PTPN12: variants seen among roughly 807,000 people sequenced by gnomAD.
PTPN12 encodes the protein tyrosine-protein phosphatase non-receptor type 12.
Under a neutral mutation model 97.6 loss-of-function variants are expected in PTPN12, and 29 were observed. That is an observed-to-expected ratio of 0.30 (90% CI 0.22 to 0.41). PTPN12 has a LOEUF of 0.41. Among genes scored for constraint, PTPN12 ranks in the 10% least tolerant of loss-of-function variants. The pLI is 1.00. For synonymous variants in PTPN12, 327 were observed against 300.4 expected, an observed-to-expected ratio of 1.09 and a Z score of -0.91; for missense variants, 819 against 926.0, an observed-to-expected ratio of 0.88 and a Z score of 1.50.
chr7:77,626,593 A>G, intron 12 of PTPN12, 112 bp from the exon 13 acceptor site: 1 of 1,201,622 alleles, frequency 8.3e-7, no homozygotes, highest in Non-Finnish European at 1.1e-6. Context: ...TGCAGTTTTT[A>G]TTCGCAACCA....
chr7:77,598,840 T>A (rs561374640), intron 7 of PTPN12, among the ~76,000 whole-genome samples: 1 of 150,772 alleles, frequency 6.6e-6, no homozygotes, highest in East Asian at 1.9e-4. Flanking sequence ...ATTATTTTGC[T>A]TTATATCTGC....
At chr7:77,565,651 C>A (rs1037746764) in intron 1 of PTPN12, among the ~76,000 whole-genome samples, 1 of 152,204 alleles carries the variant, frequency 6.6e-6, no homozygotes, top group Admixed American at 6.5e-5. Context: ...TCTTGACACA[C>A]AAGTGGGTAT....
At chr7:77,598,651 C>T (rs1788095796) in intron 7 of PTPN12, among the ~76,000 whole-genome samples, 1 of 151,910 alleles carries the variant, frequency 6.6e-6, no homozygotes, top group South Asian at 2.1e-4. Flanking sequence ...CCACTGCACT[C>T]TAGCCTGGGC....
chr7:77,570,351 ATAT>A, intron 1 of PTPN12, among the ~76,000 whole-genome samples: 1 of 152,340 alleles, frequency 6.6e-6, no homozygotes, highest in South Asian at 2.1e-4. Flanking sequence ...AATGCTTTTA[ATAT>A]GTCTTGAGGC....
intron 11 of PTPN12, among the ~76,000 whole-genome samples, chr7:77,615,485 G>A (rs570723645): frequency 6.6e-6 from 1 of 152,190 alleles, no homozygotes; most frequent in African/African-American, 2.4e-5. Flanking sequence ...CTCATTTCAT[G>A]CCTATAATCC....
intron 8 of PTPN12, among the ~76,000 whole-genome samples, chr7:77,601,142 A>C (rs1044312096): frequency 2.6e-5 from 4 of 152,126 alleles, no homozygotes; most frequent in Non-Finnish European, 5.9e-5. Context: ...ATTTTCTTTT[A>C]ATCAATTTCC....
At chr7:77,563,501 C>G (rs1256752589) in intron 1 of PTPN12, among the ~76,000 whole-genome samples, 1 of 152,138 alleles carries the variant, frequency 6.6e-6, no homozygotes, top group African/African-American at 2.4e-5. Context: ...GCCAGTACTA[C>G]TATCAGGAAA....
At chr7:77,603,766 A>G (rs750514402) in intron 8 of PTPN12, among the ~76,000 whole-genome samples, 1 of 151,720 alleles carries the variant, frequency 6.6e-6, no homozygotes, top group Non-Finnish European at 1.5e-5. Context: ...TATTTTAATG[A>G]GTATTTTTTA....
intron 1 of PTPN12, among the ~76,000 whole-genome samples, chr7:77,538,444 G>T (rs1180513906): frequency 1.3e-5 from 2 of 151,880 alleles, no homozygotes; most frequent in Non-Finnish European, 2.9e-5. Flanking sequence ...TATCCGGGGT[G>T]GGGGTGGGGA....
chr7:77,538,015 A>T (rs1019251660), intron 1 of PTPN12: 33 of 1,028,380 alleles, frequency 3.2e-5, no homozygotes, highest in Middle Eastern at 4.7e-4. Context: ...CTCCCCGCGC[A>T]GTTCGCTCCT....
At chr7:77,626,129 G>A (rs1789171904) in intron 12 of PTPN12, among the ~76,000 whole-genome samples, 1 of 152,184 alleles carries the variant, frequency 6.6e-6, no homozygotes, top group African/African-American at 2.4e-5. Context: ...CAATCTGCAA[G>A]AAAGTTAGAA....
intron 12 of PTPN12, among the ~76,000 whole-genome samples, chr7:77,626,464 G>T (rs545632388): frequency 6.6e-6 from 1 of 152,310 alleles, no homozygotes; most frequent in South Asian, 2.1e-4. Context: ...GATGCCTCTG[G>T]CTAACAGGAG....
chr7:77,599,375 A>C (rs1788123012), intron 7 of PTPN12, among the ~76,000 whole-genome samples: 1 of 142,202 alleles, frequency 7.0e-6, no homozygotes, highest in South Asian at 2.2e-4. Flanking sequence ...GGCTGGACTC[A>C]AACTCCTGAG....
intron 3 of PTPN12, among the ~76,000 whole-genome samples, chr7:77,582,139 G>T (rs1283462615): frequency 9.0e-6 from 1 of 111,258 alleles, no homozygotes; most frequent in Non-Finnish European, 1.6e-5. Context: ...CTGTCTCCCA[G>T]TCTGGAGTGC....
chr7:77,578,686 T>C (rs1265287045), intron 2 of PTPN12, among the ~76,000 whole-genome samples: 3 of 152,230 alleles, frequency 2.0e-5, no homozygotes, highest in African/African-American at 7.2e-5. Context: ...CATTTCCGTA[T>C]TTCCTTTTGT....
At chr7:77,609,486 T>G (rs1204484459) in intron 9 of PTPN12, among the ~76,000 whole-genome samples, 1 of 151,432 alleles carries the variant, frequency 6.6e-6, no homozygotes, top group Non-Finnish European at 1.5e-5. Context: ...TTCGGGCTGG[T>G]CTCAAACTCC....
At chr7:77,622,709 T>C (rs1348372582) in intron 12 of PTPN12, among the ~76,000 whole-genome samples, 1 of 151,836 alleles carries the variant, frequency 6.6e-6, no homozygotes, top group Non-Finnish European at 1.5e-5. Flanking sequence ...AGGCGGAAGT[T>C]ACAGTGAGTC....
chr7:77,540,725 C>T (rs1304208993), intron 1 of PTPN12, among the ~76,000 whole-genome samples: 1 of 151,536 alleles, frequency 6.6e-6, no homozygotes, highest in Non-Finnish European at 1.5e-5. Context: ...TGCTTTTTCC[C>T]CTGACTGGAA....
At chr7:77,614,077 TG>T (rs1238109853) in intron 11 of PTPN12, among the ~76,000 whole-genome samples, 1 of 149,066 alleles carries the variant, frequency 6.7e-6, no homozygotes, top group Non-Finnish European at 1.5e-5. Flanking sequence ...AATTTTTTTT[TG>T]TAGAGATGTT....
Sources: gnomAD v4.1 joint callset for allele counts (sites outside exome capture counted in the v4.1 genomes callset) on GRCh38, gnomAD v4.1.1 for gene constraint, MANE v1.5 for transcripts, NCBI Gene and HGNC (gene_info 2026-07-23, HGNC 2026-07-21) for gene names.